APLF: variants seen among roughly 807,000 people sequenced by gnomAD.
APLF encodes the protein aprataxin and PNK-like factor.
APLF carries 61 observed loss-of-function variants against 55.6 expected under a neutral mutation model. The observed-to-expected ratio is 1.10, with a 90% CI of 0.89 to 1.36. The LOEUF is 1.36. Among genes scored for constraint, APLF ranks in the 40% most tolerant of loss-of-function variants. The pLI is 0.00. For synonymous variants in APLF, 207 were observed against 214.8 expected (o/e 0.96, Z 0.32); for missense variants, 611 against 602.5 (o/e 1.01, Z -0.15).
At position 68,540,402 on chromosome 2, in the gene APLF, A is replaced by G. The variant is rs147788640; in HGVS notation, c.1160+2175A>G. On this transcript the variant is annotated intron_variant, in intron 7 of 9. Transcript: ENST00000303795. ...ATATGTGCCACATTTTCTTTATCCA[A>G]TGTATCATTGATGGGCATTTGGGTT... Among the ~76,000 whole-genome samples the G allele has an allele frequency of 1.5e-3, 227 of 152,124 alleles. 1 individual carries two copies. The highest frequency in any genetic ancestry group is 5.0e-3 in the African/African-American group (208 of 41,516).
At chr2:68,527,262 G>A (rs1015711489) in intron 6 of APLF, among the ~76,000 whole-genome samples, 14 of 142,768 alleles carry the variant, frequency 9.8e-5, no homozygotes, top group African/African-American at 2.9e-4. Context: ...GTGAGGAGGC[G>A]GGGCAGAGGC....
At chr2:68,482,090 ATTTC>A (rs1675977377) in intron 1 of APLF, among the ~76,000 whole-genome samples, 2 of 139,838 alleles carry the variant, frequency 1.4e-5, no homozygotes, top group South Asian at 4.3e-4. Context: ...CATTTTATAA[ATTTC>A]TTTTTTTTTT....
chr2:68,539,353 G>T (rs1226060793), intron 7 of APLF, among the ~76,000 whole-genome samples: 1 of 152,172 alleles, frequency 6.6e-6, no homozygotes, highest in Non-Finnish European at 1.5e-5. Context: ...CTAGATCATG[G>T]TGTCAGCAAG....
chr2:68,541,185 G>A (rs1670537106), intron 7 of APLF, among the ~76,000 whole-genome samples: 1 of 152,074 alleles, frequency 6.6e-6, no homozygotes, highest in African/African-American at 2.4e-5. Flanking sequence ...TAAAGTACAG[G>A]TAGCAGAGGA....
chr2:68,522,011 G>C (rs1265432369), intron 5 of APLF, among the ~76,000 whole-genome samples: 1 of 151,790 alleles, frequency 6.6e-6, no homozygotes, highest in Non-Finnish European at 1.5e-5. Context: ...TTTTCTAGCT[G>C]TAGAATCATG....
chr2:68,477,481 T>TAA (rs935469300), intron 1 of APLF, among the ~76,000 whole-genome samples: 1 of 148,686 alleles, frequency 6.7e-6, no homozygotes, highest in Non-Finnish European at 1.5e-5. Context: ...AAAAGTAAAT[T>TAA]AAAAAAAAAA....
At chr2:68,524,951 A>G (rs1455754522) in intron 5 of APLF, among the ~76,000 whole-genome samples, 3 of 152,206 alleles carry the variant, frequency 2.0e-5, no homozygotes, top group Non-Finnish European at 4.4e-5. Flanking sequence ...ATGGGATACA[A>G]TGTCCATTGT....
rs908922270 is a variant in APLF, at chr2:68,570,900, A to G, written c.1333+3513A>G. Among the ~76,000 whole-genome samples, 120 of 152,324 alleles carry G rather than the reference A, an allele frequency of 7.9e-4. 1 individual carries two copies. Among genetic ancestry groups the G allele is most frequent in the African/African-American group, 2.8e-3 (117 of 41,572 alleles). ...TCTTCCACAATGGTTGAACTAGTTT[A>G]CAGTCCCACCAACAGTGTAAAAGTG... is the stretch of plus-strand genomic sequence containing the variant. On this transcript the variant is annotated intron_variant, in intron 9 of 9. Coordinates refer to ENST00000303795, the MANE Select transcript of APLF (RefSeq NM_173545.3).
Position 68,526,168 on chromosome 2 carries a change from A to G in APLF, c.730A>G (p.Asn244Asp). 6.2e-7 allele frequency: 1 copy of G among 1,614,028 alleles called. No individual in the cohort carries two copies. Among genetic ancestry groups the G allele is most frequent in the East Asian group, 2.2e-5 (1 of 44,846 alleles). The part of the protein sequence containing the change: ...RQLISSGSSE[N>D]TSAEQDTGEE... ...ATTAATTTCATCAGGAAGTTCAGAAAATACATCAGCAGAACAAGACACAGG... is the reference window on the plus strand; with the variant it reads ...ATTAATTTCATCAGGAAGTTCAGAAGATACATCAGCAGAACAAGACACAGG... The change falls in exon 6 of 10, where the codon AAT (asparagine) becomes GAT (aspartate). Residue 244 changes from asparagine to aspartate, a missense_variant. Asn to Asp is a conservative substitution (Grantham distance 23). Coordinates refer to ENST00000303795, the MANE Select transcript of APLF (RefSeq NM_173545.3).
Position 68,476,925 on chromosome 2 carries a change from AG to A in APLF, c.96+9099del, listed in dbSNP as rs1355220369. On this transcript the variant is annotated intron_variant, in intron 1 of 9. Coordinates refer to ENST00000303795, the MANE Select transcript of APLF (RefSeq NM_173545.3). ...GCAGATTCAACAAGTATATTGGAAAAGTTTTTGGGAGATTTGTGACAATTTG... is the reference window on the plus strand; with the variant it reads ...GCAGATTCAACAAGTATATTGGAAAATTTTTGGGAGATTTGTGACAATTTG... Among the ~76,000 whole-genome samples the A allele has an allele frequency of 1.4e-4, 22 of 152,310 alleles. No individual in the cohort carries two copies. The East Asian group carries it at 4.2e-3, about 29-fold the overall frequency.
chr2:68,518,562 A>G (rs1225497882), intron 5 of APLF, among the ~76,000 whole-genome samples: 2 of 121,196 alleles, frequency 1.7e-5, no homozygotes, highest in East Asian at 2.4e-4. Flanking sequence ...ATAATGTATC[A>G]TGAATATATA....
intron 5 of APLF, among the ~76,000 whole-genome samples, chr2:68,525,703 A>G (rs1670019544): frequency 7.0e-6 from 1 of 141,904 alleles, no homozygotes; most frequent in Non-Finnish European, 1.5e-5. Context: ...TGGACCTTTA[A>G]TCTTACTTGC....
At chr2:68,495,281 G>T (rs952899321) in intron 2 of APLF, among the ~76,000 whole-genome samples, 20 of 152,226 alleles carry the variant, frequency 1.3e-4, no homozygotes. Flanking sequence ...TTATGAGCCT[G>T]TAAAATCAAA....
intron 8 of APLF, among the ~76,000 whole-genome samples, chr2:68,564,912 C>G (rs1177817025): frequency 1.3e-5 from 2 of 152,068 alleles, no homozygotes. Context: ...TGAATTAAAA[C>G]TGTTGTCCAA....
intron 5 of APLF, among the ~76,000 whole-genome samples, chr2:68,519,514 C>G (rs1383283675): frequency 6.7e-6 from 1 of 149,584 alleles, no homozygotes; most frequent in Non-Finnish European, 1.5e-5. Context: ...AATTTTTGGT[C>G]AAGTTAAGTC....
chr2:68,559,344 C>T (rs1029037359), intron 8 of APLF, among the ~76,000 whole-genome samples: 4 of 152,084 alleles, frequency 2.6e-5, no homozygotes, highest in East Asian at 1.9e-4. Context: ...TGCAGAGCCA[C>T]GGGGCTCAGT....
At chr2:68,564,834 G>A (rs929332047) in intron 8 of APLF, among the ~76,000 whole-genome samples, 2 of 152,120 alleles carry the variant, frequency 1.3e-5, no homozygotes, top group African/African-American at 4.8e-5. Context: ...GTGTTTGGCT[G>A]TGGTTTGAGA....
At chr2:68,501,739 G>A (rs1380103090) in intron 2 of APLF, among the ~76,000 whole-genome samples, 1 of 152,178 alleles carries the variant, frequency 6.6e-6, no homozygotes, top group Non-Finnish European at 1.5e-5. Context: ...GGTCTTCATA[G>A]TGGGAGTTTC....
At chr2:68,509,920 G>A (rs1384615230) in intron 3 of APLF, among the ~76,000 whole-genome samples, 1 of 151,844 alleles carries the variant, frequency 6.6e-6, no homozygotes, top group Non-Finnish European at 1.5e-5. Flanking sequence ...CCTTTGTAGG[G>A]ACATGGATGA....
Sources: gnomAD v4.1 joint callset for allele counts (sites outside exome capture counted in the v4.1 genomes callset) on GRCh38, gnomAD v4.1.1 for gene constraint, MANE v1.5 for transcripts, NCBI Gene and HGNC (gene_info 2026-07-23, HGNC 2026-07-21) for gene names.